MAST4: variants seen among roughly 807,000 people sequenced by gnomAD.
MAST4 encodes microtubule-associated serine/threonine-protein kinase 4.
MAST4 carries 89 observed loss-of-function variants against 162.7 expected under a neutral mutation model. The ratio of observed to expected loss-of-function variants is 0.55; its 90% confidence interval spans 0.46 to 0.65. MAST4 has a LOEUF of 0.65. Among genes scored for constraint, MAST4 ranks in the 30% least tolerant of loss-of-function variants. MAST4 has a pLI of 0.00. For synonymous variants in MAST4, 1,479 were observed against 1,361.1 expected (o/e 1.09, Z -1.91); for missense variants, 3,153 against 3,374.0 (o/e 0.93, Z 1.62).
At chr5:66,704,477 C>T (rs878903031) in intron 1 of MAST4, among the ~76,000 whole-genome samples, 8 of 148,442 alleles carry the variant, frequency 5.4e-5, no homozygotes, top group Admixed American at 3.4e-4. Context: ...TGCATCCTCT[C>T]TGTTGCTTGT....
intron 3 of MAST4, among the ~76,000 whole-genome samples, chr5:66,837,888 ATATATAT>A (rs1317420715): frequency 5.7e-5 from 2 of 34,934 alleles, no homozygotes; most frequent in African/African-American, 3.0e-4. Flanking sequence ...ATATATATAT[ATATATAT>A]TTTTTTTTTT....
In MAST4 at chr5:66,965,006, T is replaced by C. The variant is rs1275565411; in HGVS notation, c.674+65024T>C. On this transcript the variant is annotated intron_variant, in intron 4 of 28. Coordinates refer to ENST00000403625, the MANE Select transcript of MAST4 (RefSeq NM_001164664.2). ...CAATTTAACAAATTTGTTTCTTTCA[T>C]ATTTCTAAAGTAAGGCCGAACTGAA... Among the ~76,000 whole-genome samples the C allele has an allele frequency of 2.3e-4, 35 of 152,224 alleles. 1 individual carries two copies. The highest frequency in any genetic ancestry group is 2.3e-3 in the Admixed American group (35 of 15,284).
chr5:66,605,976 G>A (rs1742855886), intron 1 of MAST4, among the ~76,000 whole-genome samples: 1 of 152,212 alleles, frequency 6.6e-6, no homozygotes, highest in African/African-American at 2.4e-5. Context: ...GAACAGTTAT[G>A]CTAGTAGAGT....
intron 4 of MAST4, among the ~76,000 whole-genome samples, chr5:66,952,111 G>A (rs922697420): frequency 2.0e-5 from 3 of 152,158 alleles, no homozygotes; most frequent in Non-Finnish European, 2.9e-5. Flanking sequence ...TGGCAAACTT[G>A]ACACCTTAGA....
At chr5:66,782,451 C>T (rs1754921308) in intron 2 of MAST4, among the ~76,000 whole-genome samples, 1 of 152,180 alleles carries the variant, frequency 6.6e-6, no homozygotes, top group Non-Finnish European at 1.5e-5. Flanking sequence ...TAACTAGAGG[C>T]CCTTTGGCTA....
Position 66,596,541 on chromosome 5 carries a change from C to A in MAST4, c.-115C>A. The A allele has an allele frequency of 8.2e-7, 1 of 1,217,930 alleles. No individual in the cohort carries two copies. Among genetic ancestry groups the A allele is most frequent in the South Asian group, 2.9e-5 (1 of 34,604 alleles). The allele number at this position is 1,217,930 out of a possible 1,614,324, so 75.4% of individuals were successfully genotyped here. A position where few individuals can be genotyped will look rare whatever the true frequency, so the allele number is the denominator to read the frequency against. On this transcript the variant is annotated 5_prime_UTR_variant, in exon 1 of 29. Coordinates refer to ENST00000403625, the MANE Select transcript of MAST4 (RefSeq NM_001164664.2). ...TAGTCGCTGGCGGGGCTCCCTGCAG[C>A]CCGGGAGCGGCAGTGCCAGTGAGCC...
chr5:66,718,910 A>G (rs866723952), intron 1 of MAST4, among the ~76,000 whole-genome samples: 2 of 152,184 alleles, frequency 1.3e-5, no homozygotes, highest in Middle Eastern at 3.2e-3. Context: ...ATTCTTAGTA[A>G]TAGCTTTGTA....
chr5:67,071,140 A>G (rs892060380), intron 5 of MAST4, among the ~76,000 whole-genome samples: 3 of 152,154 alleles, frequency 2.0e-5, no homozygotes, highest in Admixed American at 2.0e-4. Flanking sequence ...TTAACAGTAA[A>G]ATCGGTACAA....
At chr5:66,771,734 A>G (rs1754367465) in intron 2 of MAST4, among the ~76,000 whole-genome samples, 1 of 150,754 alleles carries the variant, frequency 6.6e-6, no homozygotes, top group African/African-American at 2.4e-5. Flanking sequence ...AATTCCCTTT[A>G]GAATAAGAAA....
At chr5:66,919,213 G>C (rs1319720825) in intron 4 of MAST4, among the ~76,000 whole-genome samples, 1 of 151,670 alleles carries the variant, frequency 6.6e-6, no homozygotes, top group African/African-American at 2.4e-5. Flanking sequence ...GCATGTATAT[G>C]AATATTAAAG....
At chr5:66,906,985 T>C (rs1398812296) in intron 4 of MAST4, among the ~76,000 whole-genome samples, 1 of 152,072 alleles carries the variant, frequency 6.6e-6, no homozygotes, top group Non-Finnish European at 1.5e-5. Flanking sequence ...CCTGCTAGAC[T>C]TCTGAGGTAG....
At chr5:66,775,048 T>C (rs1364037658) in intron 2 of MAST4, among the ~76,000 whole-genome samples, 5 of 150,340 alleles carry the variant, frequency 3.3e-5, no homozygotes, top group African/African-American at 7.3e-5. Flanking sequence ...TGTGTGTGTT[T>C]TCCCCCTGTA....
intron 4 of MAST4, among the ~76,000 whole-genome samples, chr5:66,962,476 A>G (rs901974133): frequency 6.6e-6 from 1 of 152,172 alleles, no homozygotes; most frequent in African/African-American, 2.4e-5. Flanking sequence ...GAGAGGCTGA[A>G]GCAGGAGAAT....
chr5:66,719,094 T>TATTTTG (rs1419725678), intron 1 of MAST4, among the ~76,000 whole-genome samples: 1 of 152,184 alleles, frequency 6.6e-6, no homozygotes, highest in Non-Finnish European at 1.5e-5. Flanking sequence ...GGAAGTGAAC[T>TATTTTG]GCATATGTTT....
chr5:66,773,106 G>GT (rs199563637), intron 2 of MAST4, among the ~76,000 whole-genome samples: 1 of 152,152 alleles, frequency 6.6e-6, no homozygotes, highest in African/African-American at 2.4e-5. Flanking sequence ...GAATGTAGAA[G>GT]TTTTTTTAAC....
intron 1 of MAST4, among the ~76,000 whole-genome samples, chr5:66,685,557 A>T (rs988123109): frequency 6.6e-6 from 1 of 152,156 alleles, no homozygotes; most frequent in Non-Finnish European, 1.5e-5. Flanking sequence ...GAAAAAAAAA[A>T]TCATTGATCA....
At chr5:67,090,832 A>C (rs1294692371) in intron 6 of MAST4, among the ~76,000 whole-genome samples, 1 of 151,320 alleles carries the variant, frequency 6.6e-6, no homozygotes, top group East Asian at 2.1e-4. Context: ...GCCAAGTCAG[A>C]GGAGTGTGCA....
In MAST4 at chr5:66,665,120, G is replaced by C. The variant is rs78906232; in HGVS notation, c.363+68102G>C. Among the ~76,000 whole-genome samples, 460 of 152,352 alleles carry C rather than the reference G, an allele frequency of 3.0e-3. 3 individuals carry two copies. Among genetic ancestry groups the C allele is most frequent in the African/African-American group, 0.01 (419 of 41,576 alleles). On this transcript the variant is annotated intron_variant, in intron 1 of 28. Coordinates refer to ENST00000403625, the MANE Select transcript of MAST4 (RefSeq NM_001164664.2). ...AACCGATTAAAGAGGAATGGGAGGA[G>C]AACTTGATATAGTGCATATAGAGAA...
chr5:66,861,934 C>A (rs1324100901), intron 3 of MAST4, among the ~76,000 whole-genome samples: 2 of 152,160 alleles, frequency 1.3e-5, no homozygotes, highest in Non-Finnish European at 2.9e-5. Flanking sequence ...GGCTCTTCAT[C>A]TGTTTCACAT....
Sources: gnomAD v4.1 joint callset for allele counts (sites outside exome capture counted in the v4.1 genomes callset) on GRCh38, gnomAD v4.1.1 for gene constraint, MANE v1.5 for transcripts, NCBI Gene and HGNC (gene_info 2026-07-23, HGNC 2026-07-21) for gene names.